TNC: variants seen among roughly 807,000 people sequenced by gnomAD.
The protein encoded by TNC is tenascin C.
In TNC, 109 loss-of-function variants were observed where a neutral mutation model predicts 202.4. That is an observed-to-expected ratio of 0.54 (90% CI 0.46 to 0.63). TNC has a LOEUF of 0.63. TNC is among the 30% of genes least tolerant of loss of function. The pLI is 0.00. For synonymous variants in TNC, 1,007 were observed against 1,089.7 expected, an observed-to-expected ratio of 0.92 and a Z score of 1.50; for missense variants, 2,756 against 2,833.3, an observed-to-expected ratio of 0.97 and a Z score of 0.62.
chr9:115,070,987 C>G (rs1372572057), intron 10 of TNC, among the ~76,000 whole-genome samples: 1 of 152,184 alleles, frequency 6.6e-6, no homozygotes, highest in African/African-American at 2.4e-5. Flanking sequence ...GAAGTTAGAT[C>G]CAGTGTCTCC....
chr9:115,067,102 A>G (rs1167675810), intron 10 of TNC, among the ~76,000 whole-genome samples: 1 of 152,232 alleles, frequency 6.6e-6, no homozygotes, highest in East Asian at 1.9e-4. Context: ...TAGATTTAGG[A>G]AAAGAAAGGA....
At chr9:115,053,467 T>C (rs1376346030) in intron 15 of TNC, among the ~76,000 whole-genome samples, 1 of 152,196 alleles carries the variant, frequency 6.6e-6, no homozygotes, top group Non-Finnish European at 1.5e-5. Flanking sequence ...ACCATAGAGA[T>C]TCACAAGGTG....
intron 10 of TNC, among the ~76,000 whole-genome samples, chr9:115,067,527 TG>T (rs1182797688): frequency 6.6e-6 from 1 of 152,080 alleles, no homozygotes; most frequent in Non-Finnish European, 1.5e-5. Flanking sequence ...AAAGAGATAT[TG>T]GGAAAGTTAC....
intron 1 of TNC, among the ~76,000 whole-genome samples, chr9:115,115,964 CT>C (rs1837432483): frequency 6.6e-6 from 1 of 152,180 alleles, no homozygotes; most frequent in South Asian, 2.1e-4. Context: ...GAATATTAAT[CT>C]TGGACAAGTC....
intron 8 of TNC, 84 bp from the exon 9 acceptor site, chr9:115,076,205 T>G: frequency 1.4e-6 from 2 of 1,465,604 alleles, no homozygotes; most frequent in South Asian, 2.3e-5. Flanking sequence ...TGAGTTGGTC[T>G]CTGGAGGCTA....
rs1425560615 is a variant in TNC, at chr9:115,038,339, C to A, written c.5434G>T (p.Asp1812Tyr). ...TGCCACCTGGCCAAGGCTTCTGAGT[C>A]AGTGATGTTGGCTGTCACCAGGCCA... is the stretch of plus-strand genomic sequence containing the variant. ...PSGLVTANIT[D>Y]SEALARWQPA... is the part of the protein sequence containing the mutation. Residue 1812 changes from aspartate to tyrosine, a missense_variant, in exon 20 of 28, where the codon GAC (aspartate) becomes TAC (tyrosine). Physicochemically the swap from Asp to Tyr is radical, Grantham distance 160. Around this residue, in one of 2 missense-constraint regions of TNC, gnomAD observed 2,559 missense variants for 2,546.0 expected, o/e 1.01. Transcript: ENST00000350763. 1.2e-6 allele frequency: 2 copies of A among 1,614,158 alleles called. No homozygotes were observed. Among genetic ancestry groups the A allele is most frequent in the South Asian group, 1.1e-5 (1 of 91,046 alleles).
intron 5 of TNC, 41 bp from the exon 6 acceptor site, chr9:115,081,969 C>G: frequency 6.5e-7 from 1 of 1,541,192 alleles, no homozygotes; most frequent in Non-Finnish European, 8.7e-7. Flanking sequence ...AGGGGAGGTG[C>G]CAGTCTCTTA....
At position 115,109,143 on chromosome 9, in the gene TNC, A is replaced by G. The variant is rs745601574; in HGVS notation, c.-137+8839T>C. Among the ~76,000 whole-genome samples, 3 of 152,220 alleles carry G rather than the reference A, an allele frequency of 2.0e-5. No homozygotes were observed. In the East Asian group the frequency reaches 5.8e-4, roughly 29 times the overall value. ...CAAAACCCTTTTTTAGGTGATTCCCATGAGAATGCTTTTCCACATGACACA... is the reference window on the plus strand; with the variant it reads ...CAAAACCCTTTTTTAGGTGATTCCCGTGAGAATGCTTTTCCACATGACACA... On this transcript the variant is annotated intron_variant, in intron 1 of 27. Transcript: ENST00000350763.
chr9:115,071,691 A>G (rs7031990), intron 10 of TNC, among the ~76,000 whole-genome samples: 41,092 of 151,984 alleles, frequency 0.27, 5,930 homozygotes, highest in African/African-American at 0.37. Flanking sequence ...GCTAAGGGAG[A>G]GGGGCAGAGG....
At chr9:115,053,854 C>T (rs1204921668) in intron 15 of TNC, among the ~76,000 whole-genome samples, 2 of 152,156 alleles carry the variant, frequency 1.3e-5, no homozygotes, top group East Asian at 1.9e-4. Flanking sequence ...TGAAGTTAGG[C>T]ATTGAATTTT....
intron 1 of TNC, among the ~76,000 whole-genome samples, chr9:115,107,323 G>T (rs1310371147): frequency 6.6e-6 from 1 of 152,154 alleles, no homozygotes; most frequent in East Asian, 1.9e-4. Context: ...AATGAGCATG[G>T]CTGTGTTCCA....
chr9:115,070,945 G>A lies in TNC; in HGVS notation c.3214+2658C>T, dbSNP rs141921658. Among the ~76,000 whole-genome samples the A allele has an allele frequency of 8.0e-3, 1,225 of 152,238 alleles. 36 individuals are homozygous for A. Among genetic ancestry groups the A allele is most frequent in the South Asian group, 0.037 (180 of 4,822 alleles). On this transcript the variant is annotated intron_variant, in intron 10 of 27. Coordinates refer to ENST00000350763, the MANE Select transcript of TNC (RefSeq NM_002160.4). ...GCCTCTTATGTCTCTGTCCAAAAGC[G>A]TCTTCCCATTGTAAGCCTTTCCTGA...
intron 4 of TNC, among the ~76,000 whole-genome samples, chr9:115,083,495 G>C (rs1834464590): frequency 6.6e-6 from 1 of 152,068 alleles, no homozygotes; most frequent in African/African-American, 2.4e-5. Flanking sequence ...TTAGCTGCAT[G>C]ACTTGGGATA....
intron 26 of TNC, among the ~76,000 whole-genome samples, chr9:115,025,739 G>A (rs74569087): frequency 0.017 from 2,618 of 152,328 alleles, 128 homozygotes; most frequent in East Asian, 0.11. Context: ...ATGAATGCAG[G>A]TGGAATATCT....
chr9:115,048,574 C>T (rs201043945), intron 15 of TNC, 42 bp from the exon 16 acceptor site: 136 of 1,577,634 alleles, frequency 8.6e-5, no homozygotes, highest in Non-Finnish European at 1.1e-4. Context: ...GTTAGCAGCA[C>T]TGACTCTGTC....
Position 115,057,182 on chromosome 9 carries a change from G to T in TNC, c.4550C>A (p.Thr1517Asn). 1 of 1,613,720 alleles carries T rather than the reference G, an allele frequency of 6.2e-7. No homozygotes were observed. The highest frequency in any genetic ancestry group is 8.5e-7 in the Non-Finnish European group (1 of 1,179,790). The stretch of plus-strand genomic sequence containing the variant: ...CGTGGCTGTGGCACTGATGGTTTTG[G>T]TCCGGATGCTGGGAGCAAGTCCAGA... ...YLSGLAPSIR[T>N]KTISATATTE... Residue 1517 changes from threonine to asparagine, a missense_variant, in exon 15 of 28, where the codon ACC (threonine) becomes AAC (asparagine). Coordinates refer to ENST00000350763, the MANE Select transcript of TNC (RefSeq NM_002160.4).
At chr9:115,039,849 C>T (rs1014335258) in intron 19 of TNC, among the ~76,000 whole-genome samples, 2 of 152,334 alleles carry the variant, frequency 1.3e-5, no homozygotes, top group African/African-American at 4.8e-5. Flanking sequence ...GGAGAATCCA[C>T]TGATGAAAGA....
At chr9:115,026,871 G>T (rs960180389) in intron 25 of TNC, among the ~76,000 whole-genome samples, 176 bp from the exon 26 acceptor site, 10 of 146,206 alleles carry the variant, frequency 6.8e-5, no homozygotes, top group Non-Finnish European at 1.4e-4. Flanking sequence ...GGGGGTGGGG[G>T]TGGGGGTGGT....
In TNC at chr9:115,086,220, T is replaced by C; in HGVS notation, c.1511A>G (p.Asp504Gly). The change falls in exon 3 of 28, where the codon GAC becomes GGC. Residue 504 changes from aspartate to glycine, a missense_variant. By Grantham distance (94) the Asp-to-Gly change is moderately conservative (BLOSUM62 -1). Transcript: ENST00000350763. ...EDCRDRQCPR[D>G]CSNRGLCVDG... Reference sequence around the variant, plus strand: ...CACACAGAGGCCCCTGTTGCTGCAGTCCCTGGGGCATTGGCGATCCCGGCA... The same window carrying C: ...CACACAGAGGCCCCTGTTGCTGCAGCCCCTGGGGCATTGGCGATCCCGGCA... 1 of 1,614,184 alleles carries C rather than the reference T, an allele frequency of 6.2e-7. No individual in the cohort carries two copies. The highest frequency in any genetic ancestry group is 8.5e-7 in the Non-Finnish European group (1 of 1,180,026).
Sources: allele counts gnomAD v4.1 joint callset (sites outside exome capture counted in the v4.1 genomes callset), GRCh38; gene constraint gnomAD v4.1.1; regional missense constraint gnomAD v4.1.1; transcripts MANE v1.5; gene names NCBI Gene and HGNC (gene_info 2026-07-23, HGNC 2026-07-21).